Variants in PHAF1 observed in about 807,000 individuals in gnomAD.
PHAF1 encodes phagophore assembly factor 1.
A neutral mutation model predicts 63.1 loss-of-function variants in PHAF1; 23 were observed. That is an observed-to-expected ratio of 0.36 (90% confidence interval 0.26 to 0.52). The LOEUF is 0.52. PHAF1 is among the 20% of genes least tolerant of loss of function. The probability of loss-of-function intolerance (pLI) is 0.93; values close to 1 mark genes in which losing one functional copy is unlikely to be tolerated. For missense variants in PHAF1, 427 were observed against 517.2 expected, an observed-to-expected ratio of 0.83 and a Z score of 1.69; for synonymous variants, 167 against 185.0, an observed-to-expected ratio of 0.90 and a Z score of 0.79.
In PHAF1 at chr16:67,138,305, G is replaced by A. The variant is rs181148244; in HGVS notation, c.662-1679G>A. 1.4e-4 allele frequency among the ~76,000 whole-genome samples: 21 copies of A among 152,232 alleles called. 1 individual carries two copies. The South Asian group carries it at 1.4e-3, about 11-fold the overall frequency. On this transcript the variant is annotated intron_variant, in intron 8 of 15. Transcript: ENST00000219139. ...CCTAAGCCTTTATTTCCCCCTCAGT[G>A]TATACTTGCTGAGAATAGAGATTCT... is the stretch of plus-strand genomic sequence containing the variant.
intron 11 of PHAF1, 21 bp downstream of exon 11, chr16:67,144,397 C>T (rs373829330): frequency 2.6e-6 from 4 of 1,549,022 alleles, no homozygotes; most frequent in African/African-American, 2.7e-5. Flanking sequence ...CTGTCTGTAC[C>T]TCCCCTCTGT....
Position 67,113,722 on chromosome 16 carries a change from T to C in PHAF1, c.64+3483T>C, listed in dbSNP as rs1430729765. Among the ~76,000 whole-genome samples the C allele has an allele frequency of 1.1e-4, 16 of 149,580 alleles. No individual in the cohort carries two copies. In the East Asian group the frequency reaches 3.0e-3, roughly 28 times the overall value. On this transcript the variant is annotated intron_variant, in intron 1 of 15. Coordinates refer to ENST00000219139, the MANE Select transcript of PHAF1 (RefSeq NM_025187.5). ...CCTCGGCCTCCCAAAGTGCTGGGATTACAGGCGTGAGCCACCGCACCCAGC... is the reference window on the plus strand; with the variant it reads ...CCTCGGCCTCCCAAAGTGCTGGGATCACAGGCGTGAGCCACCGCACCCAGC...
In PHAF1 at chr16:67,132,897, G is replaced by T. The variant is rs1963462595; in HGVS notation, c.436G>T (p.Ala146Ser). The T allele has an allele frequency of 6.2e-7, 1 of 1,610,016 alleles. No individual in the cohort carries two copies. Among genetic ancestry groups the T allele is most frequent in the African/African-American group, 1.3e-5 (1 of 74,814 alleles). The change falls in exon 6 of 16, where the codon GCT becomes TCT. Residue 146 changes from alanine (A) to serine (S), a missense_variant. By Grantham distance (99) the Ala-to-Ser change is moderately conservative. Transcript: ENST00000219139. Reference protein sequence around the residue: ...FSFQLDSWTEAPKYEPNFAHG... With the variant: ...FSFQLDSWTESPKYEPNFAHG... ...TTTTCAGTTAGACTCATGGACTGAG[G>T]CTCCAAAGTATGAGGTTAGCCCTTC...
At position 67,140,096 on chromosome 16, in the gene PHAF1, C is replaced by G. The variant is rs1039130165; in HGVS notation, c.774C>G (p.Val258=). The part of the protein sequence containing the change: ...VLSMLGSPHK[V]FYKSEDKMKI... ...GCATGCTTGGCTCTCCACACAAAGT[C>G]TTCTATAAATCAGAAGACAAGGTAG... The change falls in exon 9 of 16, where the codon GTC becomes GTG. Residue 258 remains valine (V), a synonymous_variant. Coordinates refer to ENST00000219139, the MANE Select transcript of PHAF1 (RefSeq NM_025187.5). 6.2e-7 allele frequency: 1 copy of G among 1,613,998 alleles called. No individual in the cohort carries two copies. The highest frequency in any genetic ancestry group is 8.5e-7 in the Non-Finnish European group (1 of 1,180,020).
At chr16:67,141,724 C>G (rs1290254569) in intron 10 of PHAF1, among the ~76,000 whole-genome samples, 1 of 152,234 alleles carries the variant, frequency 6.6e-6, no homozygotes, top group Non-Finnish European at 1.5e-5. Flanking sequence ...ACGTGTACCG[C>G]AAGCGGCTTC....
intron 3 of PHAF1, among the ~76,000 whole-genome samples, chr16:67,127,533 ACGCCT>A: frequency 6.6e-6 from 1 of 152,312 alleles, no homozygotes; most frequent in East Asian, 1.9e-4. Context: ...GCAGTGGCTC[ACGCCT>A]GTAATCCCAG....
At chr16:67,119,262 G>C (rs1962877867) in intron 1 of PHAF1, among the ~76,000 whole-genome samples, 1 of 152,048 alleles carries the variant, frequency 6.6e-6, no homozygotes. Flanking sequence ...TTTCTTGCTT[G>C]GTTCTTTGAT....
rs1408800756 is a variant in PHAF1, at chr16:67,109,987, C to CAGGTGAGGTGAAGTG, written c.-178_-164dup. On this transcript the variant is annotated 5_prime_UTR_variant, in exon 1 of 16. Transcript: ENST00000219139. ...GTTGCCCCCGCTGCCGCGGCTGCTG[C>CAGGTGAGGTGAAGTG]AGGTGAGGTGAAGTGAGGTGAGGTG... 1.3e-5 allele frequency: 7 copies of CAGGTGAGGTGAAGTG among 558,286 alleles called. No homozygotes were observed. Among genetic ancestry groups the CAGGTGAGGTGAAGTG allele is most frequent in the East Asian group, 3.2e-5 (1 of 31,296 alleles). 34.6% of individuals were successfully genotyped at this position (558,286 alleles called of 1,614,324 possible).
At chr16:67,120,084 A>G (rs1398496240) in intron 1 of PHAF1, 28 bp from the exon 2 acceptor site, 4 of 1,602,652 alleles carry the variant, frequency 2.5e-6, no homozygotes, top group African/African-American at 2.7e-5. Flanking sequence ...AGCCAAAATA[A>G]CCACATAGGT....
intron 8 of PHAF1, 83 bp downstream of exon 8, chr16:67,134,550 T>C: frequency 8.7e-7 from 1 of 1,143,118 alleles, no homozygotes; most frequent in Non-Finnish European, 1.3e-6. Context: ...TTAGGGTGTG[T>C]CTCAGTCCAT....
At chr16:67,122,565 T>G (rs1963026191) in intron 2 of PHAF1, among the ~76,000 whole-genome samples, 1 of 132,860 alleles carries the variant, frequency 7.5e-6, no homozygotes, top group Non-Finnish European at 1.5e-5. Flanking sequence ...AGCAAGACCC[T>G]GTCTCAAAAA....
chr16:67,139,492 A>ATGG, intron 8 of PHAF1: 1 of 158,332 alleles, frequency 6.3e-6, no homozygotes, highest in South Asian at 1.8e-4. Context: ...GGGACTACAG[A>ATGG]CACCCACCAC....
rs765896578 is a variant in PHAF1, at chr16:67,140,533, C to G, written c.818C>G (p.Pro273Arg). 6.3e-7 allele frequency: 1 copy of G among 1,597,168 alleles called. No homozygotes were observed. Among genetic ancestry groups the G allele is most frequent in the Non-Finnish European group, 8.6e-7 (1 of 1,164,510 alleles). Residue 273 changes from proline to arginine, a missense_variant, in exon 10 of 16, where the codon CCT becomes CGT. Physicochemically the swap from Pro to Arg is moderately radical, Grantham distance 103 (BLOSUM62 -2). Coordinates refer to ENST00000219139, the MANE Select transcript of PHAF1 (RefSeq NM_025187.5). ...CAGATGAAAATTCATTCTCCTTCCC[C>G]TCATAAACAAGTTCCATCGAAGTGT... is the stretch of plus-strand genomic sequence containing the variant. ...EDKMKIHSPS[P>R]HKQVPSKCND...
At chr16:67,137,623 C>CTA (rs1279387910) in intron 8 of PHAF1, among the ~76,000 whole-genome samples, 4 of 152,106 alleles carry the variant, frequency 2.6e-5, no homozygotes, top group African/African-American at 9.7e-5. Context: ...CCAGCCTGAG[C>CTA]TATAGTTTTT....
intron 1 of PHAF1, among the ~76,000 whole-genome samples, chr16:67,114,645 G>A (rs1962666010): frequency 6.6e-6 from 1 of 152,072 alleles, no homozygotes. Flanking sequence ...ATTAGAGCAT[G>A]ATGTACTGGT....
chr16:67,116,524 C>T (rs1187032281), intron 1 of PHAF1, among the ~76,000 whole-genome samples: 3 of 152,172 alleles, frequency 2.0e-5, no homozygotes, highest in Non-Finnish European at 4.4e-5. Context: ...CTCTACAATC[C>T]ATCAGTCCCA....
intron 1 of PHAF1, among the ~76,000 whole-genome samples, chr16:67,112,969 G>T (rs1038771355): frequency 6.6e-6 from 1 of 152,170 alleles, no homozygotes; most frequent in African/African-American, 2.4e-5. Context: ...GTTAGGTAGG[G>T]ATAGGTCTCG....
intron 9 of PHAF1, among the ~76,000 whole-genome samples, 173 bp from the exon 10 acceptor site, chr16:67,140,338 C>T (rs951431214): frequency 7.9e-5 from 12 of 152,302 alleles, no homozygotes; most frequent in African/African-American, 2.6e-4. Flanking sequence ...CCCTAGTCAA[C>T]GACAGCTGGC....
intron 9 of PHAF1, 90 bp from the exon 10 acceptor site, chr16:67,140,421 T>C: frequency 8.5e-7 from 1 of 1,171,190 alleles, no homozygotes; most frequent in Non-Finnish European, 1.3e-6. Flanking sequence ...AGCTTAATGT[T>C]ACACATGGAA....
Sources: gnomAD v4.1 joint callset for allele counts (sites outside exome capture counted in the v4.1 genomes callset) on GRCh38, gnomAD v4.1.1 for gene constraint, MANE v1.5 for transcripts, NCBI Gene and HGNC (gene_info 2026-07-23, HGNC 2026-07-21) for gene names.